Variants in USP25 observed in about 807,000 individuals in gnomAD.
USP25 encodes ubiquitin specific peptidase 25, also known as ubiquitin carboxyl-terminal hydrolase 25.
A neutral mutation model predicts 158.5 loss-of-function variants in USP25; 85 were observed. That is an observed-to-expected ratio of 0.54 (90% CI 0.45 to 0.64). USP25 has a LOEUF of 0.64. USP25 is among the 30% of genes least tolerant of loss of function. The probability of loss-of-function intolerance (pLI) is 0.00; values close to 1 mark genes in which losing one functional copy is unlikely to be tolerated. For missense variants in USP25, 1,242 were observed against 1,327.3 expected, an observed-to-expected ratio of 0.94 and a Z score of 1.00; for synonymous variants, 464 against 460.4, an observed-to-expected ratio of 1.01 and a Z score of -0.10.
chr21:15,783,582 C>G lies in USP25; in HGVS notation c.392+5555C>G, dbSNP rs534075588. On this transcript the variant is annotated intron_variant, in intron 4 of 25. Transcript: ENST00000400183. Reference sequence around the variant, plus strand: ...AGGAGAGAGTGGGATGACATATTCACAGTGCTGGGAAAAAATAAAAATAAA... The same window carrying G: ...AGGAGAGAGTGGGATGACATATTCAGAGTGCTGGGAAAAAATAAAAATAAA... Among the ~76,000 whole-genome samples, 4 of 152,090 alleles carry G rather than the reference C, an allele frequency of 2.6e-5. No homozygotes were observed. In the South Asian group the frequency reaches 8.3e-4, roughly 32 times the overall value.
chr21:15,778,382 A>G (rs2034777860), intron 4 of USP25, among the ~76,000 whole-genome samples: 1 of 151,952 alleles, frequency 6.6e-6, no homozygotes, highest in Non-Finnish European at 1.5e-5. Context: ...AATAGTAAAT[A>G]TTTTTGGCTT....
chr21:15,870,135 T>G lies in USP25; in HGVS notation c.2873T>G (p.Phe958Cys). ...TATCTCATAATTGGGCTAGAAAATT[T>G]TCAAAGAGAAAGGTAAGGCAAAGTG... ...TMYLIIGLEN[F>C]QRESYIDSLL... The change falls in exon 23 of 26, where the codon TTT becomes TGT. Residue 958 changes from phenylalanine to cysteine, a missense_variant. Phe to Cys is a radical substitution (Grantham distance 205, BLOSUM62 -2). Around this residue, in one of 3 missense-constraint regions of USP25, gnomAD observed 608 missense variants for 605.2 expected, o/e 1.00. Coordinates refer to ENST00000400183, the MANE Select transcript of USP25 (RefSeq NM_001283041.3). 1 of 1,608,708 alleles carries G rather than the reference T, an allele frequency of 6.2e-7. No homozygotes were observed. The highest frequency in any genetic ancestry group is 1.3e-5 in the African/African-American group (1 of 74,698).
At chr21:15,792,631 G>A (rs2035651846) in intron 5 of USP25, among the ~76,000 whole-genome samples, 1 of 151,478 alleles carries the variant, frequency 6.6e-6, no homozygotes, top group South Asian at 2.1e-4. Flanking sequence ...CAACTAACAG[G>A]TTATTTGGTT....
chr21:15,842,434 C>T lies in USP25; in HGVS notation c.2231C>T (p.Pro744Leu). ...AAGDPEYLEQ[P>L]SRSDFSKHLK... is the part of the protein sequence containing the mutation. ...GGAGACCCAGAATATCTAGAGCAGCCATCAAGAAGTGATTTCTCAAAGCAC... is the reference window on the plus strand; with the variant it reads ...GGAGACCCAGAATATCTAGAGCAGCTATCAAGAAGTGATTTCTCAAAGCAC... The change falls in exon 18 of 26, where the codon CCA becomes CTA. Residue 744 changes from proline (P) to leucine (L), a missense_variant. Pro to Leu is a moderately conservative substitution (Grantham distance 98, BLOSUM62 -3). Coordinates refer to ENST00000400183, the MANE Select transcript of USP25 (RefSeq NM_001283041.3). The T allele has an allele frequency of 6.2e-7, 1 of 1,613,614 alleles. No homozygotes were observed. Among genetic ancestry groups the T allele is most frequent in the Non-Finnish European group, 8.5e-7 (1 of 1,179,740 alleles).
At position 15,878,294 on chromosome 21, in the gene USP25, T is replaced by G; in HGVS notation, c.3206-9T>G. The G allele has an allele frequency of 6.2e-7, 1 of 1,607,814 alleles. No homozygotes were observed. Reference sequence around the variant, plus strand: ...ATCTTTAGTTAGATTTAATTGTTTGTATTTGCAGCACACCTCCAAGAAAAG... The same window carrying G: ...ATCTTTAGTTAGATTTAATTGTTTGGATTTGCAGCACACCTCCAAGAAAAG... On this transcript the variant is annotated splice_polypyrimidine_tract_variant and intron_variant, in intron 25 of 25. Coordinates refer to ENST00000400183, the MANE Select transcript of USP25 (RefSeq NM_001283041.3).
In USP25 at chr21:15,818,751, G is replaced by A; in HGVS notation, c.985G>A (p.Gly329Arg). 1 of 1,613,654 alleles carries A rather than the reference G, an allele frequency of 6.2e-7. No individual in the cohort carries two copies. The highest frequency in any genetic ancestry group is 1.7e-4 in the Middle Eastern group (1 of 6,056). ...MFGQYPLQVN[G>R]FKDLHECLEA... ...TGGTCAGTACCCACTTCAGGTCAAT[G>A]GGTTCAAAGATCTGCATGAGTGCCT... The change falls in exon 10 of 26, where the codon GGG becomes AGG. Residue 329 changes from glycine to arginine, a missense_variant. Gly to Arg is a moderately radical substitution (Grantham distance 125). Coordinates refer to ENST00000400183, the MANE Select transcript of USP25 (RefSeq NM_001283041.3).
At chr21:15,861,754 A>G (rs2039436492) in intron 20 of USP25, among the ~76,000 whole-genome samples, 2 of 152,070 alleles carry the variant, frequency 1.3e-5, no homozygotes, top group Non-Finnish European at 2.9e-5. Flanking sequence ...TTTAGAAGGT[A>G]ATTTCTTAAG....
chr21:15,851,478 T>C (rs2038884943), intron 20 of USP25, among the ~76,000 whole-genome samples: 1 of 150,346 alleles, frequency 6.7e-6, no homozygotes, highest in Non-Finnish European at 1.5e-5. Flanking sequence ...ATACATACAC[T>C]GAGAGACACA....
At chr21:15,871,064 AG>A (rs1690245100) in intron 23 of USP25, among the ~76,000 whole-genome samples, 1 of 152,220 alleles carries the variant, frequency 6.6e-6, no homozygotes, top group African/African-American at 2.4e-5. Flanking sequence ...CCATAATCAC[AG>A]AAATTTCTAT....
chr21:15,825,698 C>T lies in USP25; in HGVS notation c.1305-506C>T, dbSNP rs115774939. The stretch of plus-strand genomic sequence containing the variant: ...ACAAGTCATTTCAGTTTGCAAACCC[C>T]AATCTGCTCTGCATTCCCCTATTTT... On this transcript the variant is annotated intron_variant, in intron 12 of 25. Transcript: ENST00000400183. Among the ~76,000 whole-genome samples, 361 of 152,280 alleles carry T rather than the reference C, an allele frequency of 2.4e-3. 5 individuals carry two copies. Among genetic ancestry groups the T allele is most frequent in the African/African-American group, 8.4e-3 (349 of 41,558 alleles).
In USP25 at chr21:15,763,114, G is replaced by C. The variant is rs535688707; in HGVS notation, c.123+146G>C. On this transcript the variant is annotated intron_variant, in intron 2 of 25. Transcript: ENST00000400183. ...TGGACTTTGTAAAGTAAAATCCTCA[G>C]TTAACACACTGCGGTTTTGAGGATG... 7.7e-6 allele frequency: 5 copies of C among 646,408 alleles called. No individual in the cohort carries two copies. The South Asian group carries it at 1.8e-4, about 23-fold the overall frequency. 40.0% of individuals were successfully genotyped at this position (646,408 alleles called of 1,614,324 possible).
At chr21:15,763,095 T>C in intron 2 of USP25, 127 bp downstream of exon 2, 1 of 818,922 alleles carries the variant, frequency 1.2e-6, no homozygotes. Flanking sequence ...GGAATGGACT[T>C]TGTAAAGTAA....
At position 15,730,420 on chromosome 21, in the gene USP25, G is replaced by C. The variant is rs2030681806; in HGVS notation, c.27G>C (p.Gln9His). The change falls in exon 1 of 26, where the codon CAG (glutamine) becomes CAC (histidine). Residue 9 changes from glutamine (Q) to histidine (H), a missense_variant. By Grantham distance (24) the Gln-to-His change is conservative. Transcript: ENST00000400183. MTVEQNVL[Q>H]QSAAQKHQQT... ...TGACCGTGGAGCAGAACGTGCTGCA[G>C]CAGAGCGCGGCGCAGAAGGTGAGGC... 2 of 1,362,508 alleles carry C rather than the reference G, an allele frequency of 1.5e-6. No individual in the cohort carries two copies. The highest frequency in any genetic ancestry group is 1.9e-6 in the Non-Finnish European group (2 of 1,048,482). 84.4% of individuals were successfully genotyped at this position (1,362,508 alleles called of 1,614,324 possible).
intron 17 of USP25, among the ~76,000 whole-genome samples, chr21:15,839,475 A>G (rs962156939): frequency 7.2e-5 from 11 of 152,214 alleles, no homozygotes; most frequent in Admixed American, 6.5e-4. Context: ...ACAACACAAT[A>G]TAACCAGTAC....
chr21:15,800,483 G>A (rs2036077287), intron 6 of USP25, among the ~76,000 whole-genome samples: 1 of 150,254 alleles, frequency 6.7e-6, no homozygotes, highest in South Asian at 2.1e-4. Flanking sequence ...AAAGTGCTTG[G>A]TACATAGTAA....
chr21:15,856,478 C>CT (rs752182210), intron 20 of USP25, among the ~76,000 whole-genome samples: 616 of 142,330 alleles, frequency 4.3e-3, no homozygotes, highest in Middle Eastern at 7.2e-3. Flanking sequence ...CTTTTTTTTT[C>CT]TTTTTTTTTT....
At chr21:15,852,029 TTA>T (rs1163570045) in intron 20 of USP25, among the ~76,000 whole-genome samples, 1 of 152,102 alleles carries the variant, frequency 6.6e-6, no homozygotes, top group Admixed American at 6.5e-5. Flanking sequence ...CTTAAATAAG[TTA>T]TGTTATATTG....
chr21:15,867,943 T>G (rs1293650584), intron 22 of USP25, among the ~76,000 whole-genome samples: 1 of 152,132 alleles, frequency 6.6e-6, no homozygotes, highest in Admixed American at 6.6e-5. Flanking sequence ...AAATGCTTTA[T>G]AAATTCAGTG....
rs893279083 is a variant in USP25, at chr21:15,816,847, A to G, written c.932-1851A>G. On this transcript the variant is annotated intron_variant, in intron 9 of 25. Coordinates refer to ENST00000400183, the MANE Select transcript of USP25 (RefSeq NM_001283041.3). This position sits in a 1 kb window ranked among gnomAD's most constrained non-coding sequence, Gnocchi z 4.0. ...TAAGTGGTGCCATTTTCAGTCCATAATCTGCCAGGCATGATGGTTCATGCC... is the reference window on the plus strand; with the variant it reads ...TAAGTGGTGCCATTTTCAGTCCATAGTCTGCCAGGCATGATGGTTCATGCC... 6.6e-6 allele frequency among the ~76,000 whole-genome samples: 1 copy of G among 152,074 alleles called. No individual in the cohort carries two copies. Among genetic ancestry groups the G allele is most frequent in the Non-Finnish European group, 1.5e-5 (1 of 68,008 alleles).
Sources: gnomAD v4.1 joint callset for allele counts (sites outside exome capture counted in the v4.1 genomes callset) on GRCh38, gnomAD v4.1.1 for gene constraint, gnomAD v4.1.1 regional missense constraint, Gnocchi (gnomAD v3.1) non-coding constraint, MANE v1.5 for transcripts, NCBI Gene and HGNC (gene_info 2026-07-23, HGNC 2026-07-21) for gene names.